GREB1L: variants seen among roughly 807,000 people sequenced by gnomAD.
The protein encoded by GREB1L is GREB1 like retinoic acid receptor coactivator.
A neutral mutation model predicts 200.8 loss-of-function variants in GREB1L; 17 were observed. That is an observed-to-expected ratio of 0.08 (90% CI 0.06 to 0.13). GREB1L has a LOEUF of 0.13. Among genes scored for constraint, GREB1L ranks in the 10% least tolerant of loss-of-function variants. GREB1L has a pLI of 1.00. For missense variants in GREB1L, 1,657 were observed against 2,367.7 expected (o/e 0.70, Z 6.23); for synonymous variants, 789 against 893.0 (o/e 0.88, Z 2.08).
intron 1 of GREB1L, among the ~76,000 whole-genome samples, chr18:21,319,397 A>G (rs2038918493): frequency 6.6e-6 from 1 of 152,216 alleles, no homozygotes; most frequent in South Asian, 2.1e-4. Flanking sequence ...TTATTCTCCT[A>G]TCTACATTTC....
At chr18:21,268,741 G>A (rs2038031646) in intron 1 of GREB1L, among the ~76,000 whole-genome samples, 1 of 151,062 alleles carries the variant, frequency 6.6e-6, no homozygotes, top group Non-Finnish European at 1.5e-5. Context: ...AGGACTACAG[G>A]TGCACCCACC....
intron 7 of GREB1L, among the ~76,000 whole-genome samples, chr18:21,438,581 A>G (rs1318886948): frequency 3.3e-5 from 5 of 151,990 alleles, no homozygotes; most frequent in Admixed American, 6.6e-5. Context: ...AAGCAGGAGA[A>G]TCGTTCAAGC....
At chr18:21,289,251 G>A (rs1208405234) in intron 1 of GREB1L, among the ~76,000 whole-genome samples, 1 of 152,050 alleles carries the variant, frequency 6.6e-6, no homozygotes, top group Non-Finnish European at 1.5e-5. Flanking sequence ...AGGATCTTCT[G>A]TAAAGTATGC....
At chr18:21,425,033 TATG>T (rs1170895402) in intron 7 of GREB1L, among the ~76,000 whole-genome samples, 2 of 147,642 alleles carry the variant, frequency 1.4e-5, no homozygotes, top group East Asian at 1.9e-4. Context: ...TGGATAAACA[TATG>T]ATACAAATAA....
chr18:21,460,249 A>G (rs921399758), intron 15 of GREB1L, among the ~76,000 whole-genome samples: 1 of 152,126 alleles, frequency 6.6e-6, no homozygotes, highest in African/African-American at 2.4e-5. Context: ...ATCTCGGCTC[A>G]CTGCAACCTC....
intron 1 of GREB1L, among the ~76,000 whole-genome samples, chr18:21,365,511 C>T (rs892736758): frequency 1.3e-5 from 2 of 152,054 alleles, no homozygotes; most frequent in Non-Finnish European, 2.9e-5. Context: ...GGGTAAGAAA[C>T]AATAGCTCTT....
chr18:21,308,261 G>A (rs894213911), intron 1 of GREB1L, among the ~76,000 whole-genome samples: 5 of 152,178 alleles, frequency 3.3e-5, no homozygotes, highest in South Asian at 4.1e-4. Flanking sequence ...TTCAGTCAAC[G>A]TTTATGAAAT....
At chr18:21,255,164 T>C (rs1406378513) in intron 1 of GREB1L, among the ~76,000 whole-genome samples, 2 of 152,318 alleles carry the variant, frequency 1.3e-5, no homozygotes, top group East Asian at 3.9e-4. Flanking sequence ...CATGATAATT[T>C]AATATAAAAC....
At chr18:21,319,820 T>G (rs974243915) in intron 1 of GREB1L, among the ~76,000 whole-genome samples, 3 of 152,166 alleles carry the variant, frequency 2.0e-5, no homozygotes, top group Non-Finnish European at 4.4e-5. Context: ...AAACCAATAA[T>G]TTTTAGTTAT....
At chr18:21,481,125 G>T (rs376811090) in intron 17 of GREB1L, among the ~76,000 whole-genome samples, 14 of 152,218 alleles carry the variant, frequency 9.2e-5, no homozygotes, top group Non-Finnish European at 2.1e-4. Flanking sequence ...AAATGTTCTG[G>T]GAGTTGAAGT....
chr18:21,251,996 T>A lies in GREB1L; in HGVS notation c.-120+9603T>A, dbSNP rs375169645. ...ATCTCTAGTTTATAAGGAACTCTTA[T>A]AAAATGGTAATAAAATATTTTATGA... On this transcript the variant is annotated intron_variant, in intron 1 of 32. Coordinates refer to ENST00000424526, the MANE Select transcript of GREB1L (RefSeq NM_001142966.3). Among the ~76,000 whole-genome samples the A allele has an allele frequency of 7.9e-5, 12 of 151,812 alleles. 1 individual carries two copies. In the South Asian group the frequency reaches 1.7e-3, roughly 21 times the overall value.
At chr18:21,291,989 A>G (rs2038457875) in intron 1 of GREB1L, among the ~76,000 whole-genome samples, 1 of 152,196 alleles carries the variant, frequency 6.6e-6, no homozygotes, top group African/African-American at 2.4e-5. Flanking sequence ...TGGACTAGGG[A>G]AGCAATATTT....
intron 4 of GREB1L, among the ~76,000 whole-genome samples, chr18:21,388,930 C>G (rs1598740409): frequency 6.6e-6 from 1 of 151,976 alleles, no homozygotes; most frequent in African/African-American, 2.4e-5. Flanking sequence ...TTATCTTATT[C>G]TTTCAAGGGT....
At chr18:21,390,230 T>C (rs2040738072) in intron 4 of GREB1L, among the ~76,000 whole-genome samples, 1 of 152,134 alleles carries the variant, frequency 6.6e-6, no homozygotes, top group Non-Finnish European at 1.5e-5. Context: ...GTAATAAATG[T>C]TATTTTTTAT....
intron 7 of GREB1L, among the ~76,000 whole-genome samples, chr18:21,428,196 CAAAAAAAAAAAAAAAA>C (rs60750456): frequency 0.12 from 5,856 of 48,320 alleles, 529 homozygotes; most frequent in African/African-American, 0.26. Flanking sequence ...GACTCCGTCT[CAAAAAAAAAAAAAAAA>C]AAAAAAAAAA....
At chr18:21,467,308 G>A (rs1375777205) in intron 15 of GREB1L, among the ~76,000 whole-genome samples, 1 of 152,142 alleles carries the variant, frequency 6.6e-6, no homozygotes, top group Non-Finnish European at 1.5e-5. Context: ...GAAAAGACAA[G>A]CCACAGAATG....
chr18:21,471,316 A>G (rs192385189), intron 15 of GREB1L, among the ~76,000 whole-genome samples: 15 of 152,352 alleles, frequency 9.8e-5, no homozygotes, highest in Admixed American at 9.1e-4. Context: ...CAGGAAATAC[A>G]GACTAATTTG....
intron 1 of GREB1L, among the ~76,000 whole-genome samples, chr18:21,299,322 A>G: frequency 6.6e-6 from 1 of 151,830 alleles, no homozygotes; most frequent in South Asian, 2.1e-4. Flanking sequence ...GTAAATATCC[A>G]GTATTCATTT....
chr18:21,441,557 A>G lies in GREB1L; in HGVS notation c.1207+20A>G. ...TGATAGGTAAGGTAATGGAATTCCA[A>G]GTTGCCTGTGTCTGCTGGAATCTAG... On this transcript the variant is annotated intron_variant, in intron 10 of 32. Transcript: ENST00000424526. 5 of 1,540,130 alleles carry G rather than the reference A, an allele frequency of 3.2e-6. No homozygotes were observed. Among genetic ancestry groups the G allele is most frequent in the Non-Finnish European group, 4.4e-6 (5 of 1,142,450 alleles).
Sources: gnomAD v4.1 joint callset for allele counts (sites outside exome capture counted in the v4.1 genomes callset) on GRCh38, gnomAD v4.1.1 for gene constraint, MANE v1.5 for transcripts, NCBI Gene and HGNC (gene_info 2026-07-23, HGNC 2026-07-21) for gene names.